The following FARS2 variants were observed in gnomAD, a reference collection of about 807,000 sequenced individuals.
FARS2 encodes the protein phenylalanyl-tRNA synthetase 2, mitochondrial.
Under a neutral mutation model 46.4 loss-of-function variants are expected in FARS2, and 40 were observed. The observed-to-expected ratio is 0.86, with a 90% CI of 0.67 to 1.12. The LOEUF (loss-of-function observed/expected upper bound fraction) is 1.12, where lower values mean the gene tolerates loss of function less well. FARS2 is among the 50% of genes most tolerant of loss of function. The pLI is 0.00. For missense variants in FARS2, 513 were observed against 567.9 expected, an observed-to-expected ratio of 0.90 and a Z score of 0.98; for synonymous variants, 234 against 214.9, an observed-to-expected ratio of 1.09 and a Z score of -0.78.
intron 6 of FARS2, among the ~76,000 whole-genome samples, chr6:5,693,952 G>A (rs372040965): frequency 9.2e-5 from 14 of 152,110 alleles, no homozygotes; most frequent in African/African-American, 1.2e-4. Flanking sequence ...CATTTCCACC[G>A]CCCTCTACTA....
intron 6 of FARS2, among the ~76,000 whole-genome samples, chr6:5,694,164 A>G (rs1242419586): frequency 1.3e-5 from 2 of 152,244 alleles, no homozygotes; most frequent in Non-Finnish European, 1.5e-5. Context: ...GTGAAAACAC[A>G]TCTGAAAACA....
intron 6 of FARS2, among the ~76,000 whole-genome samples, chr6:5,672,042 G>A (rs1461986318): frequency 6.6e-6 from 1 of 152,210 alleles, no homozygotes; most frequent in Non-Finnish European, 1.5e-5. Flanking sequence ...AATTGCTCAA[G>A]AGAAGGTAGC....
At chr6:5,346,733 C>T (rs1757253302) in intron 1 of FARS2, among the ~76,000 whole-genome samples, 1 of 151,884 alleles carries the variant, frequency 6.6e-6, no homozygotes, top group Non-Finnish European at 1.5e-5. Context: ...TCTGTCTATC[C>T]CTCTATCCTC....
intron 1 of FARS2, among the ~76,000 whole-genome samples, chr6:5,281,537 T>C (rs570474524): frequency 1.2e-4 from 19 of 152,316 alleles, no homozygotes; most frequent in African/African-American, 3.1e-4. Context: ...ATTCACATGC[T>C]TGAGGAAAAC....
At chr6:5,556,470 C>G (rs1771667714) in intron 5 of FARS2, among the ~76,000 whole-genome samples, 2 of 151,886 alleles carry the variant, frequency 1.3e-5, no homozygotes, top group Non-Finnish European at 2.9e-5. Flanking sequence ...AACACTGATA[C>G]TGTATAACTT....
At chr6:5,349,866 A>T (rs998538031) in intron 1 of FARS2, among the ~76,000 whole-genome samples, 41 of 148,350 alleles carry the variant, frequency 2.8e-4, no homozygotes, top group Middle Eastern at 3.5e-3. Flanking sequence ...TCTCATTTTT[A>T]GACTGGAGTT....
chr6:5,657,582 T>C (rs1777659146), intron 6 of FARS2, among the ~76,000 whole-genome samples: 1 of 152,238 alleles, frequency 6.6e-6, no homozygotes, highest in Admixed American at 6.5e-5. Context: ...TCTGGCATCC[T>C]CTGCCCTGGC....
At chr6:5,314,138 A>G (rs1769279629) in intron 1 of FARS2, among the ~76,000 whole-genome samples, 1 of 152,230 alleles carries the variant, frequency 6.6e-6, no homozygotes, top group African/African-American at 2.4e-5. Flanking sequence ...TAGAAAGATC[A>G]TTCAGATTGC....
chr6:5,338,095 G>GA (rs1491035393), intron 1 of FARS2, among the ~76,000 whole-genome samples: 2 of 151,676 alleles, frequency 1.3e-5, no homozygotes, highest in African/African-American at 4.9e-5. Flanking sequence ...TTGAGAAAGA[G>GA]AAACATAGAA....
At chr6:5,510,440 C>A (rs551952816) in intron 4 of FARS2, among the ~76,000 whole-genome samples, 1 of 152,302 alleles carries the variant, frequency 6.6e-6, no homozygotes, top group South Asian at 2.1e-4. Flanking sequence ...CCTCAGAGAG[C>A]ATTTGTCTGA....
chr6:5,555,734 C>T (rs1011158986), intron 5 of FARS2, among the ~76,000 whole-genome samples: 10 of 151,842 alleles, frequency 6.6e-5, no homozygotes, highest in African/African-American at 1.2e-4. Flanking sequence ...TTACTTCCCC[C>T]GAAAGTATAT....
chr6:5,497,656 A>G (rs1400895663), intron 4 of FARS2, among the ~76,000 whole-genome samples: 1 of 152,264 alleles, frequency 6.6e-6, no homozygotes, highest in Non-Finnish European at 1.5e-5. Flanking sequence ...TGCCAATGGT[A>G]TCATTCAAAC....
intron 1 of FARS2, among the ~76,000 whole-genome samples, chr6:5,365,745 A>T (rs1758633710): frequency 6.6e-6 from 1 of 152,012 alleles, no homozygotes; most frequent in African/African-American, 2.4e-5. Flanking sequence ...CTTAACTATT[A>T]ATTGTTAACT....
chr6:5,278,356 G>T (rs1766484559), intron 1 of FARS2, among the ~76,000 whole-genome samples: 1 of 152,136 alleles, frequency 6.6e-6, no homozygotes, highest in South Asian at 2.1e-4. Flanking sequence ...TTGTTGCCAC[G>T]AGTGCTGGGG....
intron 1 of FARS2, among the ~76,000 whole-genome samples, chr6:5,350,245 C>T (rs950661276): frequency 1.4e-4 from 21 of 149,652 alleles, no homozygotes; most frequent in Non-Finnish European, 3.0e-4. Context: ...TGGTCTCAAG[C>T]ATTCCTCCTG....
At chr6:5,483,187 C>T (rs1160277668) in intron 4 of FARS2, among the ~76,000 whole-genome samples, 1 of 152,218 alleles carries the variant, frequency 6.6e-6, no homozygotes, top group East Asian at 1.9e-4. Flanking sequence ...GCAGTGGATA[C>T]TATTGCTCAC....
intron 6 of FARS2, among the ~76,000 whole-genome samples, chr6:5,640,026 G>A (rs777952738): frequency 1.4e-4 from 22 of 152,114 alleles, no homozygotes; most frequent in Non-Finnish European, 3.1e-4. Flanking sequence ...TATCTGTTCC[G>A]TTATTGCACT....
At position 5,605,871 on chromosome 6, in the gene FARS2, A is replaced by G. The variant is rs541259812; in HGVS notation, c.1066-7298A>G. 2.6e-5 allele frequency among the ~76,000 whole-genome samples: 4 copies of G among 152,372 alleles called. No homozygotes were observed. In the East Asian group the frequency reaches 7.7e-4, roughly 29 times the overall value. On this transcript the variant is annotated intron_variant, in intron 5 of 6. Coordinates refer to ENST00000274680, the MANE Select transcript of FARS2 (RefSeq NM_006567.5). ...AAATGAAGGGTAAGTAGATAAGGAA[A>G]AAAATTAGAATCTCAGAAATGAGTG... is the stretch of plus-strand genomic sequence containing the variant.
At chr6:5,350,298 G>A (rs985710044) in intron 1 of FARS2, among the ~76,000 whole-genome samples, 1 of 151,300 alleles carries the variant, frequency 6.6e-6, no homozygotes, top group African/African-American at 2.4e-5. Flanking sequence ...ATGAGCTACT[G>A]TGCCCAGCCC....
Sources: allele counts gnomAD v4.1 joint callset (sites outside exome capture counted in the v4.1 genomes callset), GRCh38; gene constraint gnomAD v4.1.1; transcripts MANE v1.5; gene names NCBI Gene and HGNC (gene_info 2026-07-23, HGNC 2026-07-21).